ASCC2: variants seen among roughly 807,000 people sequenced by gnomAD.
ASCC2 encodes activating signal cointegrator 1 complex subunit 2.
In ASCC2, 42 loss-of-function variants were observed where a neutral mutation model predicts 93.5. That is an observed-to-expected ratio of 0.45 (90% CI 0.35 to 0.58). The LOEUF (loss-of-function observed/expected upper bound fraction) is 0.58. Among genes scored for constraint, ASCC2 ranks in the 20% least tolerant of loss-of-function variants. The pLI is 0.00. For synonymous variants in ASCC2, 364 were observed against 384.2 expected (o/e 0.95, Z 0.62); for missense variants, 859 against 977.6 (o/e 0.88, Z 1.62).
At chr22:29,820,700 C>T (rs1352102270) in intron 5 of ASCC2, among the ~76,000 whole-genome samples, 2 of 151,452 alleles carry the variant, frequency 1.3e-5, no homozygotes, top group East Asian at 3.9e-4. Context: ...TTTGGGAGGC[C>T]GAGGCGGGTG....
intron 6 of ASCC2, 96 bp downstream of exon 6, chr22:29,815,910 T>C (rs1569406201): frequency 9.5e-6 from 10 of 1,047,434 alleles, no homozygotes; most frequent in Non-Finnish European, 8.6e-6. Flanking sequence ...AAACATTTCC[T>C]CAGCTCCTCC....
At chr22:29,806,775 G>A (rs768652631) in intron 10 of ASCC2, 22 bp downstream of exon 10, 1 of 1,576,616 alleles carries the variant, frequency 6.3e-7, no homozygotes. Context: ...CTTCCACCAG[G>A]AGGCAATTCG....
At chr22:29,789,233 C>T in intron 19 of ASCC2, 49 bp from the exon 20 acceptor site, 1 of 1,610,426 alleles carries the variant, frequency 6.2e-7, no homozygotes, top group Non-Finnish European at 8.5e-7. Flanking sequence ...CCGGAAGAGG[C>T]TCTGGCGGGA....
chr22:29,817,435 T>G (rs568938353), intron 5 of ASCC2, among the ~76,000 whole-genome samples: 2 of 152,050 alleles, frequency 1.3e-5, no homozygotes, highest in African/African-American at 2.4e-5. Flanking sequence ...CACTCCTCCC[T>G]CACACCATTC....
intron 8 of ASCC2, chr22:29,809,818 C>A (rs528701493): frequency 6.6e-6 from 1 of 151,050 alleles, no homozygotes; most frequent in South Asian, 2.1e-4. Context: ...ATAATTTATA[C>A]GAAATTATTT....
In ASCC2 at chr22:29,813,600, G is replaced by A. The variant is rs952072800; in HGVS notation, c.721-58C>T. 6.2e-6 allele frequency: 7 copies of A among 1,135,448 alleles called. No individual in the cohort carries two copies. In the Admixed American group the frequency reaches 7.5e-5, roughly 12 times the overall value. The allele number at this position is 1,135,448 out of a possible 1,614,324, so 70.3% of individuals were successfully genotyped here. On this transcript the variant is annotated intron_variant, in intron 7 of 19. Coordinates refer to ENST00000307790, the MANE Select transcript of ASCC2 (RefSeq NM_032204.5). The stretch of plus-strand genomic sequence containing the variant: ...CTCTGTCCACACATACAGATCTGCA[G>A]AGCACCTGAGACAACATTAAAACAG...
chr22:29,806,837 T>C lies in ASCC2; in HGVS notation c.976A>G (p.Ile326Val), dbSNP rs2059729327. Reference sequence around the variant, plus strand: ...GGAAGGAGGCAGATCTGGTTCAGGATGATGTGGAAAATCTCCATTAGCTTC... The same window carrying C: ...GGAAGGAGGCAGATCTGGTTCAGGACGATGTGGAAAATCTCCATTAGCTTC... ...RKKLMEIFHI[I>V]LNQICLLPIL... The change falls in exon 10 of 20, where the codon ATC (isoleucine) becomes GTC (valine). Residue 326 changes from isoleucine to valine, a missense_variant. Physicochemically the swap from Ile to Val is conservative, Grantham distance 29. Coordinates refer to ENST00000307790, the MANE Select transcript of ASCC2 (RefSeq NM_032204.5). 6.2e-7 allele frequency: 1 copy of C among 1,613,976 alleles called. No homozygotes were observed. The highest frequency in any genetic ancestry group is 8.5e-7 in the Non-Finnish European group (1 of 1,179,922).
intron 15 of ASCC2, among the ~76,000 whole-genome samples, chr22:29,794,512 A>T (rs570749783): frequency 4.6e-5 from 7 of 152,202 alleles, no homozygotes; most frequent in South Asian, 2.1e-4. Flanking sequence ...AATAAATAAA[A>T]AAGGTAAAAT....
At chr22:29,836,973 G>C (rs949080723) in intron 1 of ASCC2, among the ~76,000 whole-genome samples, 39 of 152,334 alleles carry the variant, frequency 2.6e-4, no homozygotes, top group African/African-American at 7.9e-4. Flanking sequence ...GGGAAAGACA[G>C]ATACTTTTCC....
At chr22:29,819,728 C>T (rs951808572) in intron 5 of ASCC2, among the ~76,000 whole-genome samples, 1 of 152,192 alleles carries the variant, frequency 6.6e-6, no homozygotes, top group Non-Finnish European at 1.5e-5. Flanking sequence ...CCCCCTCCCC[C>T]GTCTCCTGCT....
intron 15 of ASCC2, among the ~76,000 whole-genome samples, chr22:29,796,248 AC>A (rs2058422602): frequency 6.6e-6 from 1 of 152,034 alleles, no homozygotes. Context: ...AGCTGGGACT[AC>A]ACGTGTGTGC....
Position 29,792,547 on chromosome 22 carries a change from G to C in ASCC2, c.1920-12C>G. 6.2e-7 allele frequency: 1 copy of C among 1,613,314 alleles called. No homozygotes were observed. The highest frequency in any genetic ancestry group is 8.5e-7 in the Non-Finnish European group (1 of 1,179,518). The stretch of plus-strand genomic sequence containing the variant: ...GGATGGTGAATGGCCTGAGGGTGTG[G>C]AGAGAAATGAGATCAAAGACGAGGT... On this transcript the variant is annotated splice_polypyrimidine_tract_variant and intron_variant, in intron 17 of 19. Transcript: ENST00000307790.
chr22:29,793,270 C>T (rs2058001465), intron 17 of ASCC2, 90 bp downstream of exon 17: 2 of 1,559,510 alleles, frequency 1.3e-6, no homozygotes, highest in Non-Finnish European at 1.7e-6. Flanking sequence ...GGCCCTGGAT[C>T]TGCCACATCT....
Position 29,825,613 on chromosome 22 carries a change from G to A in ASCC2, c.240+9C>T, listed in dbSNP as rs771923282. On this transcript the variant is annotated intron_variant, in intron 3 of 19. Coordinates refer to ENST00000307790, the MANE Select transcript of ASCC2 (RefSeq NM_032204.5). This position sits in a 1 kb window ranked among gnomAD's most constrained non-coding sequence, Gnocchi z 4.9. ...CTTTGTCTTAGCGTTAATTTTGATAGAATGTTACCTGGCACCAGAATTTAT... is the reference window on the plus strand; with the variant it reads ...CTTTGTCTTAGCGTTAATTTTGATAAAATGTTACCTGGCACCAGAATTTAT... The A allele has an allele frequency of 1.2e-6, 2 of 1,614,200 alleles. No individual in the cohort carries two copies. The highest frequency in any genetic ancestry group is 2.7e-5 in the African/African-American group (2 of 75,062).
In ASCC2 at chr22:29,789,186, TGAGG is replaced by T; in HGVS notation, c.2103-6_2103-3del. 6.2e-7 allele frequency: 1 copy of T among 1,614,036 alleles called. No homozygotes were observed. The highest frequency in any genetic ancestry group is 8.5e-7 in the Non-Finnish European group (1 of 1,179,966). On this transcript the variant is annotated splice_region_variant and splice_polypyrimidine_tract_variant and intron_variant, in intron 19 of 19. Coordinates refer to ENST00000307790, the MANE Select transcript of ASCC2 (RefSeq NM_032204.5). ...GCTGTTGAGCTGTCATGCCGGTACC[TGAGG>T]GAGGAACAACCCACCCCACGAGAAC...
At chr22:29,833,716 C>T in intron 1 of ASCC2, 1 of 448,318 alleles carries the variant, frequency 2.2e-6, no homozygotes, top group South Asian at 1.6e-5. Context: ...GACTCAATGA[C>T]AACATGAAGA....
intron 13 of ASCC2, among the ~76,000 whole-genome samples, chr22:29,803,100 A>T (rs933455976): frequency 2.0e-5 from 3 of 151,732 alleles, no homozygotes; most frequent in African/African-American, 7.3e-5. Context: ...AAATACAAAA[A>T]ATTAGCTGGG....
In ASCC2 at chr22:29,793,370, T is replaced by C. The variant is rs139224873; in HGVS notation, c.1909A>G (p.Ile637Val). 1 of 1,613,434 alleles carries C rather than the reference T, an allele frequency of 6.2e-7. No homozygotes were observed. Among genetic ancestry groups the C allele is most frequent in the Non-Finnish European group, 8.5e-7 (1 of 1,179,788 alleles). ...CCACTATGGCCTCACCTGCGGCTGA[T>C]GAGCTCGTCATCAGAGTCTGCATCA... is the stretch of plus-strand genomic sequence containing the variant. ...ANDADSDDEL[I>V]SRRPFTIPQV... Residue 637 changes from isoleucine (I) to valine (V), a missense_variant, in exon 17 of 20, where the codon ATC becomes GTC. Ile to Val is a conservative substitution (Grantham distance 29, BLOSUM62 3). Coordinates refer to ENST00000307790, the MANE Select transcript of ASCC2 (RefSeq NM_032204.5).
intron 13 of ASCC2, 147 bp downstream of exon 13, chr22:29,804,491 G>T: frequency 1.1e-6 from 1 of 881,204 alleles, no homozygotes; most frequent in Non-Finnish European, 1.8e-6. Flanking sequence ...GCACAGAGCT[G>T]ACCAGTTGCT....
Sources: gnomAD v4.1 joint callset for allele counts (sites outside exome capture counted in the v4.1 genomes callset) on GRCh38, gnomAD v4.1.1 for gene constraint, Gnocchi (gnomAD v3.1) non-coding constraint, MANE v1.5 for transcripts, NCBI Gene and HGNC (gene_info 2026-07-23, HGNC 2026-07-21) for gene names.